PCDHA5: variants seen among roughly 807,000 people sequenced by gnomAD.
PCDHA5 encodes protocadherin alpha-5.
Under a neutral mutation model 61.6 loss-of-function variants are expected in PCDHA5, and 43 were observed. The observed-to-expected ratio is 0.70, with a 90% CI of 0.55 to 0.90. PCDHA5 has a LOEUF of 0.90. Among genes scored for constraint, PCDHA5 ranks in the 40% least tolerant of loss-of-function variants. The pLI, the probability that PCDHA5 is intolerant of heterozygous loss-of-function variation, is 0.00. For synonymous variants in PCDHA5, 627 were observed against 543.9 expected, an observed-to-expected ratio of 1.15 and a Z score of -2.13; for missense variants, 1,298 against 1,222.7, an observed-to-expected ratio of 1.06 and a Z score of -0.92.
chr5:140,882,542 C>A, intron 1 of PCDHA5: 5 of 1,614,166 alleles, frequency 3.1e-6, no homozygotes, highest in Non-Finnish European at 3.4e-6. Context: ...TCGGATCGAC[C>A]GCGAGGAGCT....
intron 1 of PCDHA5, chr5:140,876,441 T>C (rs1582281358): frequency 6.2e-7 from 1 of 1,613,992 alleles, no homozygotes; most frequent in East Asian, 2.2e-5. Flanking sequence ...TTAACGCCAT[T>C]GATAAAGGGA....
Position 140,856,863 on chromosome 5 carries a change from T to C in PCDHA5, c.2352+32736T>C. 4 of 1,595,256 alleles carry C rather than the reference T, an allele frequency of 2.5e-6. 1 individual carries two copies. Among genetic ancestry groups the C allele is most frequent in the Non-Finnish European group, 3.4e-6 (4 of 1,165,176 alleles). ...AACGCTTCTGATTCGGATGAAGGAA[T>C]AAACAAGGAAATGATGTATTCATTT... On this transcript the variant is annotated intron_variant, in intron 1 of 3. Transcript: ENST00000529859.
At chr5:140,870,796 C>T in intron 1 of PCDHA5, 1 of 1,613,694 alleles carries the variant, frequency 6.2e-7, no homozygotes, top group Non-Finnish European at 8.5e-7. Flanking sequence ...GCCGGCACTG[C>T]TGGCGACTCA....
At chr5:140,836,646 C>A (rs1554136175) in intron 1 of PCDHA5, 7 of 1,613,258 alleles carry the variant, frequency 4.3e-6, no homozygotes, top group Admixed American at 3.3e-5. Flanking sequence ...CCAGCAGAGG[C>A]GGCAGAGGGT....
chr5:140,886,317 G>A (rs1323122893), intron 1 of PCDHA5, among the ~76,000 whole-genome samples: 2 of 151,612 alleles, frequency 1.3e-5, no homozygotes, highest in Non-Finnish European at 2.9e-5. Context: ...TACACTTTAA[G>A]TTCTGGGATA....
intron 1 of PCDHA5, chr5:140,841,892 C>G: frequency 6.2e-7 from 1 of 1,613,788 alleles, no homozygotes; most frequent in South Asian, 1.1e-5. Flanking sequence ...TGAGAATAAA[C>G]TGGTTGAGCT....
At chr5:140,851,846 T>C in intron 1 of PCDHA5, 1 of 970,670 alleles carries the variant, frequency 1.0e-6, no homozygotes, top group Non-Finnish European at 1.2e-6. Context: ...TATCTTTTTC[T>C]CCTCTCAGCT....
At position 140,899,599 on chromosome 5, in the gene PCDHA5, C is replaced by T. The variant is rs535938234; in HGVS notation, c.2352+75472C>T. Among the ~76,000 whole-genome samples the T allele has an allele frequency of 8.0e-3, 1,213 of 152,222 alleles. 6 individuals carry two copies. Among genetic ancestry groups the T allele is most frequent in the African/African-American group, 0.019 (784 of 41,538 alleles). ...CGGTTTGCCAGTATTTTATTGAGGA[C>T]TTTTGCATCAATGTTCATCAAGGAT... On this transcript the variant is annotated intron_variant, in intron 1 of 3. Coordinates refer to ENST00000529859, the MANE Select transcript of PCDHA5 (RefSeq NM_018908.3).
At chr5:140,936,144 T>C (rs1386720304) in intron 1 of PCDHA5, among the ~76,000 whole-genome samples, 2 of 152,158 alleles carry the variant, frequency 1.3e-5, no homozygotes, top group African/African-American at 4.8e-5. Flanking sequence ...CTGCCCGCCT[T>C]GGCCTCCTAA....
At chr5:140,875,476 G>T in intron 1 of PCDHA5, 1 of 1,610,156 alleles carries the variant, frequency 6.2e-7, no homozygotes, top group South Asian at 1.1e-5. Flanking sequence ...TTCTGCAATG[G>T]TGATTATCGG....
chr5:140,843,040 T>C lies in PCDHA5; in HGVS notation c.2352+18913T>C, dbSNP rs2150350832. 22 of 1,595,034 alleles carry C rather than the reference T, an allele frequency of 1.4e-5. 3 individuals are homozygous for C. The highest frequency in any genetic ancestry group is 1.2e-4 in the Admixed American group (7 of 59,274). On this transcript the variant is annotated intron_variant, in intron 1 of 3. Coordinates refer to ENST00000529859, the MANE Select transcript of PCDHA5 (RefSeq NM_018908.3). ...TGCTGGAGCCTCGGGTGGGTGGCACTGGTGGCGCAGCGAGCAAGCTGGTGC... is the reference window on the plus strand; with the variant it reads ...TGCTGGAGCCTCGGGTGGGTGGCACCGGTGGCGCAGCGAGCAAGCTGGTGC...
At chr5:140,831,569 C>T (rs2150196333) in intron 1 of PCDHA5, among the ~76,000 whole-genome samples, 8,259 of 146,924 alleles carry the variant, frequency 0.056, 800 homozygotes, top group African/African-American at 0.2. Context: ...CTCCATGTTG[C>T]CCAGGCTGGT....
intron 1 of PCDHA5, among the ~76,000 whole-genome samples, chr5:140,978,222 G>C (rs997273847): frequency 6.6e-6 from 1 of 152,180 alleles, no homozygotes; most frequent in South Asian, 2.1e-4. Flanking sequence ...AATGTATCAG[G>C]TTTTTCTTGG....
rs1164377412 is a variant in PCDHA5 at position 140,857,264 on chromosome 5, T to C, written c.2352+33137T>C. The stretch of plus-strand genomic sequence containing the variant: ...GTCCACCTACAAGAATTACTACTCA[T>C]TGGTGCTGGACAGCGCTCTGGACCG... On this transcript the variant is annotated intron_variant, in intron 1 of 3. Transcript: ENST00000529859. 5.0e-6 allele frequency: 8 copies of C among 1,598,636 alleles called. 1 individual carries two copies. The highest frequency in any genetic ancestry group is 2.2e-5 in the East Asian group (1 of 44,850).
At chr5:140,946,038 G>T (rs782421286) in intron 1 of PCDHA5, among the ~76,000 whole-genome samples, 29 of 152,042 alleles carry the variant, frequency 1.9e-4, no homozygotes, top group Non-Finnish European at 4.0e-4. Flanking sequence ...CAAGAGTGAA[G>T]GGACAATCCA....
chr5:140,852,579 TTTA>T, intron 1 of PCDHA5: 2 of 849,052 alleles, frequency 2.4e-6, no homozygotes, highest in African/African-American at 1.9e-5. Flanking sequence ...CCAAGGCTTT[TTTA>T]TTTTTTTTTT....
chr5:140,831,520 C>CTTT (rs2150195630), intron 1 of PCDHA5, among the ~76,000 whole-genome samples: 4 of 122,404 alleles, frequency 3.3e-5, no homozygotes, highest in Non-Finnish European at 6.6e-5. Context: ...TGCCCCCCAC[C>CTTT]TTTTTTTTTT....
chr5:140,850,343 C>T, intron 1 of PCDHA5: 1 of 1,597,790 alleles, frequency 6.3e-7, no homozygotes. Flanking sequence ...CAGAAACGGC[C>T]AGCGCGAGCA....
chr5:140,871,066 G>A (rs1554165067), intron 1 of PCDHA5: 4 of 1,613,276 alleles, frequency 2.5e-6, no homozygotes, highest in South Asian at 2.2e-5. Flanking sequence ...GGATCACGGT[G>A]AGCCGGCGCT....
Sources: allele counts gnomAD v4.1 joint callset (sites outside exome capture counted in the v4.1 genomes callset), GRCh38; gene constraint gnomAD v4.1.1; transcripts MANE v1.5; gene names NCBI Gene and HGNC (gene_info 2026-07-23, HGNC 2026-07-21).